The following SNX13 variants were observed in gnomAD, a reference collection of about 807,000 sequenced individuals.
SNX13 encodes the protein sorting nexin-13.
In SNX13, 45 loss-of-function variants were observed where a neutral mutation model predicts 133.6. The ratio of observed to expected loss-of-function variants is 0.34; its 90% CI spans 0.27 to 0.43. The LOEUF (loss-of-function observed/expected upper bound fraction) is 0.43, where lower values mean the gene tolerates loss of function less well. Ranked by LOEUF, SNX13 falls within the 20% of genes least tolerant of loss-of-function variation. The pLI is 1.00. For synonymous variants in SNX13, 414 were observed against 373.9 expected (o/e 1.11, Z -1.24); for missense variants, 1,032 against 1,145.1 (o/e 0.90, Z 1.43).
chr7:17,884,004 A>C (rs1795677983), intron 5 of SNX13, among the ~76,000 whole-genome samples: 1 of 152,196 alleles, frequency 6.6e-6, no homozygotes. Context: ...ACTAGCTGTG[A>C]CAGAAATGAT....
chr7:17,856,785 T>TAAAAAAAAAAAAAAAAAAAAAAAA (rs200753998), intron 9 of SNX13, among the ~76,000 whole-genome samples: 1 of 97,582 alleles, frequency 1.0e-5, no homozygotes, highest in Non-Finnish European at 2.1e-5. Context: ...GAGACTCTCT[T>TAAAAAAAAAAAAAAAAAAAAAAAA]AAAAAAAAAA....
At chr7:17,890,235 C>A (rs890524150) in intron 5 of SNX13, 128 bp downstream of exon 5, 4 of 794,760 alleles carry the variant, frequency 5.0e-6, no homozygotes, top group Middle Eastern at 3.0e-4. Context: ...TTGGAGTTAT[C>A]CCACAGTAAT....
In SNX13 at chr7:17,872,792, T is replaced by G. The variant is rs111890091; in HGVS notation, c.753+736A>C. Among the ~76,000 whole-genome samples the G allele has an allele frequency of 1.7e-4, 26 of 152,320 alleles. 2 individuals are homozygous for G. Among genetic ancestry groups the G allele is most frequent in the African/African-American group, 6.3e-4 (26 of 41,582 alleles). On this transcript the variant is annotated intron_variant, in intron 8 of 25. Coordinates refer to ENST00000428135, the MANE Select transcript of SNX13 (RefSeq NM_015132.5). ...TTTGTTTTTAGGAAAATTCAAAACT[T>G]TTCACGTTACGCATTCAACCAGGAC...
At chr7:17,821,404 A>T in intron 18 of SNX13, 105 bp downstream of exon 18, 1 of 1,116,692 alleles carries the variant, frequency 9.0e-7, no homozygotes, top group Non-Finnish European at 1.3e-6. Flanking sequence ...AAAAATTCTT[A>T]CCTTATTTTT....
intron 5 of SNX13, chr7:17,880,393 G>GT (rs754066847): frequency 3.9e-5 from 6 of 152,178 alleles, no homozygotes; most frequent in Non-Finnish European, 7.3e-5. Context: ...TAAGTTGACT[G>GT]TTAATTAAAC....
intron 1 of SNX13, among the ~76,000 whole-genome samples, chr7:17,901,774 G>A (rs139262272): frequency 6.6e-6 from 1 of 152,308 alleles, no homozygotes; most frequent in Non-Finnish European, 1.5e-5. Flanking sequence ...CAGCTACTGT[G>A]ATCAGTCCCT....
chr7:17,924,759 A>G (rs1800542339), intron 1 of SNX13, among the ~76,000 whole-genome samples: 1 of 152,218 alleles, frequency 6.6e-6, no homozygotes, highest in African/African-American at 2.4e-5. Context: ...AAAATGTAGT[A>G]TATCCATACA....
intron 1 of SNX13, among the ~76,000 whole-genome samples, chr7:17,909,926 T>G (rs561138438): frequency 6.6e-6 from 1 of 152,330 alleles, no homozygotes; most frequent in African/African-American, 2.4e-5. Context: ...CCATTTACGT[T>G]TTCTACAAAT....
intron 12 of SNX13, among the ~76,000 whole-genome samples, chr7:17,843,513 C>T (rs1197890132): frequency 2.6e-5 from 4 of 151,880 alleles, no homozygotes; most frequent in African/African-American, 7.2e-5. Flanking sequence ...CTCTCAGTAA[C>T]GGATAGACCC....
intron 1 of SNX13, among the ~76,000 whole-genome samples, chr7:17,911,613 C>T (rs2691565): frequency 6.8e-6 from 1 of 147,928 alleles, no homozygotes; most frequent in Non-Finnish European, 1.5e-5. Context: ...ACTCCAGCCA[C>T]GGCAACAGAG....
At chr7:17,855,648 T>C (rs904278527) in intron 9 of SNX13, among the ~76,000 whole-genome samples, 1 of 152,230 alleles carries the variant, frequency 6.6e-6, no homozygotes, top group Admixed American at 6.5e-5. Flanking sequence ...GTTTACTAAA[T>C]ATTTTAAGCA....
intron 2 of SNX13, among the ~76,000 whole-genome samples, chr7:17,894,757 C>T (rs925600179): frequency 6.6e-6 from 1 of 152,060 alleles, no homozygotes; most frequent in Non-Finnish European, 1.5e-5. Context: ...GATTCAAAGA[C>T]TGTAATGACA....
Position 17,793,883 on chromosome 7 carries a change from G to T in SNX13, c.*162C>A. 1 of 709,508 alleles carries T rather than the reference G, an allele frequency of 1.4e-6. No individual in the cohort carries two copies. The highest frequency in any genetic ancestry group is 2.2e-6 in the Non-Finnish European group (1 of 458,066). The allele number at this position is 709,508 out of a possible 1,614,324, so 44.0% of individuals were successfully genotyped here. A position where few individuals can be genotyped will look rare whatever the true frequency, so the allele number is the denominator to read the frequency against. On this transcript the variant is annotated 3_prime_UTR_variant, in exon 26 of 26. Coordinates refer to ENST00000428135, the MANE Select transcript of SNX13 (RefSeq NM_015132.5). ...TCTCTCTTGGTAGTGGTGGATTATA[G>T]ATGAGAATGAGAAGAACCACAGACT...
chr7:17,859,143 C>T (rs1232744461), intron 9 of SNX13, among the ~76,000 whole-genome samples: 5 of 151,892 alleles, frequency 3.3e-5, no homozygotes, highest in African/African-American at 7.2e-5. Context: ...CATCACTGAA[C>T]GAGAAAAAAT....
At chr7:17,891,261 G>C (rs947914899) in intron 4 of SNX13, among the ~76,000 whole-genome samples, 1 of 151,870 alleles carries the variant, frequency 6.6e-6, no homozygotes, top group African/African-American at 2.4e-5. Flanking sequence ...GTTCATCAAC[G>C]AAAGAGTAAC....
chr7:17,873,046 T>C (rs1794293099), intron 8 of SNX13, among the ~76,000 whole-genome samples: 1 of 152,196 alleles, frequency 6.6e-6, no homozygotes, highest in African/African-American at 2.4e-5. Context: ...TCTAACCTGA[T>C]TTAGATAACA....
chr7:17,859,864 C>T (rs1402843706), intron 9 of SNX13, among the ~76,000 whole-genome samples: 1 of 152,156 alleles, frequency 6.6e-6, no homozygotes, highest in Non-Finnish European at 1.5e-5. Flanking sequence ...TAATATTTTA[C>T]TGTATGTATA....
rs1248619626 is a variant in SNX13 at position 17,834,764 on chromosome 7, T to G, written c.1461A>C (p.Arg487Ser). 3 of 1,586,052 alleles carry G rather than the reference T, an allele frequency of 1.9e-6. No individual in the cohort carries two copies. The highest frequency in any genetic ancestry group is 2.6e-6 in the Non-Finnish European group (3 of 1,156,320). The change falls in exon 14 of 26, where the codon AGA becomes AGC. Residue 487 changes from arginine to serine, a missense_variant. Transcript: ENST00000428135. Reference sequence around the variant, plus strand: ...TAAATGCTGTACATAATAATACCTTTCTTTGAATGTCATCAAAGATTTCAG... The same window carrying G: ...TAAATGCTGTACATAATAATACCTTGCTTTGAATGTCATCAAAGATTTCAG... ...PTPEIFDDIQ[R>S]KVYELMLRDE...
chr7:17,875,000 A>G (rs1222591822), intron 7 of SNX13, among the ~76,000 whole-genome samples: 1 of 151,958 alleles, frequency 6.6e-6, no homozygotes, highest in Non-Finnish European at 1.5e-5. Flanking sequence ...TTAAAAGTAG[A>G]TTGATAATTT....
Sources: gnomAD v4.1 joint callset for allele counts (sites outside exome capture counted in the v4.1 genomes callset) on GRCh38, gnomAD v4.1.1 for gene constraint, MANE v1.5 for transcripts, NCBI Gene and HGNC (gene_info 2026-07-23, HGNC 2026-07-21) for gene names.